EGFR: variants seen among roughly 807,000 people sequenced by gnomAD.
EGFR encodes the protein avian erythroblastic leukemia viral (v-erb-b) oncogene homolog.
Under a neutral mutation model 143.0 loss-of-function variants are expected in EGFR, and 58 were observed. That is an observed-to-expected ratio of 0.41 (90% CI 0.33 to 0.50). EGFR has a LOEUF of 0.50. Ranked by LOEUF, EGFR falls within the 20% of genes least tolerant of loss-of-function variation. The pLI is 0.39. For synonymous variants in EGFR, 613 were observed against 594.4 expected (o/e 1.03, Z -0.45); for missense variants, 1,307 against 1,579.0 (o/e 0.83, Z 2.92).
At chr7:55,078,622 A>G (rs762413807) in intron 1 of EGFR, among the ~76,000 whole-genome samples, 18 of 152,230 alleles carry the variant, frequency 1.2e-4, no homozygotes, top group Non-Finnish European at 2.4e-4. Flanking sequence ...GGGCACCACC[A>G]CTGATCATCT....
intron 1 of EGFR, among the ~76,000 whole-genome samples, chr7:55,064,019 T>A (rs1325389257): frequency 1.4e-5 from 2 of 138,080 alleles, no homozygotes; most frequent in African/African-American, 4.9e-5. Flanking sequence ...AGCCTGAACA[T>A]AATAGATTTT....
At chr7:55,070,208 A>G (rs533453781) in intron 1 of EGFR, among the ~76,000 whole-genome samples, 2 of 152,340 alleles carry the variant, frequency 1.3e-5, no homozygotes, top group South Asian at 2.1e-4. Flanking sequence ...GGAATATGCT[A>G]TCTATCTTTT....
chr7:55,133,940 G>A (rs534624239), intron 1 of EGFR, among the ~76,000 whole-genome samples: 1 of 152,344 alleles, frequency 6.6e-6, no homozygotes, highest in Admixed American at 6.5e-5. Flanking sequence ...CTGAACATGA[G>A]TAAGCAAAAG....
At chr7:55,126,856 A>T (rs1793554138) in intron 1 of EGFR, among the ~76,000 whole-genome samples, 1 of 152,228 alleles carries the variant, frequency 6.6e-6, no homozygotes, top group South Asian at 2.1e-4. Context: ...TTCATTATAC[A>T]AAAAGTAGTG....
rs1046274762 is a variant in EGFR at position 55,029,865 on chromosome 7, A to C, written c.88+10500A>C. Among the ~76,000 whole-genome samples, 4 of 152,228 alleles carry C rather than the reference A, an allele frequency of 2.6e-5. 1 individual carries two copies. The highest frequency in any genetic ancestry group is 7.2e-5 in the African/African-American group (3 of 41,456). On this transcript the variant is annotated intron_variant, in intron 1 of 27. Transcript: ENST00000275493. Reference sequence around the variant, plus strand: ...ATCTGTAAAATTAAAAACAAATCTAAATGTATGCAAGATATGTATTTAAAC... The same window carrying C: ...ATCTGTAAAATTAAAAACAAATCTACATGTATGCAAGATATGTATTTAAAC...
chr7:55,186,159 G>A (rs765575066), intron 20 of EGFR, among the ~76,000 whole-genome samples: 4 of 152,210 alleles, frequency 2.6e-5, no homozygotes, highest in Admixed American at 2.0e-4. Context: ...TGCTGTGTGC[G>A]TGTCATAGCA....
chr7:55,122,518 C>T (rs376017061), intron 1 of EGFR, among the ~76,000 whole-genome samples: 52 of 152,338 alleles, frequency 3.4e-4, no homozygotes, highest in African/African-American at 7.9e-4. Context: ...GCATTTCTGC[C>T]CTTCTGAGCT....
At chr7:55,156,052 A>G (rs1257312094) in intron 8 of EGFR, 106 bp downstream of exon 8, 1 of 817,516 alleles carries the variant, frequency 1.2e-6, no homozygotes, top group Non-Finnish European at 2.1e-6. Flanking sequence ...TTAAAAAACA[A>G]CTATACATAT....
intron 1 of EGFR, among the ~76,000 whole-genome samples, chr7:55,083,622 A>G (rs1282124157): frequency 6.6e-6 from 1 of 152,248 alleles, no homozygotes; most frequent in Admixed American, 6.5e-5. Context: ...TCATGGTTTT[A>G]AATTATTTTC....
At chr7:55,073,239 T>C (rs1164288415) in intron 1 of EGFR, among the ~76,000 whole-genome samples, 2 of 152,244 alleles carry the variant, frequency 1.3e-5, no homozygotes, top group Middle Eastern at 3.2e-3. Flanking sequence ...GACAGCATAG[T>C]GCAATTGTGA....
rs774261340 is a variant in EGFR at position 55,173,960 on chromosome 7, C to A, written c.2101C>A (p.Gln701Lys). 8.1e-6 allele frequency: 13 copies of A among 1,614,238 alleles called. No individual in the cohort carries two copies. The highest frequency in any genetic ancestry group is 1.1e-5 in the Non-Finnish European group (13 of 1,180,044). Residue 701 changes from glutamine to lysine, a missense_variant, in exon 18 of 28, where the codon CAA becomes AAA. By Grantham distance (53) the Gln-to-Lys change is moderately conservative. Coordinates refer to ENST00000275493, the MANE Select transcript of EGFR (RefSeq NM_005228.5). ...PLTPSGEAPN[Q>K]ALLRILKETE... Reference sequence around the variant, plus strand: ...TACACCCAGTGGAGAAGCTCCCAACCAAGCTCTCTTGAGGATCTTGAAGGA... The same window carrying A: ...TACACCCAGTGGAGAAGCTCCCAACAAAGCTCTCTTGAGGATCTTGAAGGA...
At position 55,206,969 on chromosome 7, in the gene EGFR, G is replaced by GA; in HGVS notation, c.*1354dup. On this transcript the variant is annotated 3_prime_UTR_variant, in exon 28 of 28. Transcript: ENST00000275493. ...TTTCACAACATTTGCAGATGTTTTA[G>GA]AAGGAAAAAAGTTCCTTCCTAAAAT... is the stretch of plus-strand genomic sequence containing the variant. 1 of 233,126 alleles carries GA rather than the reference G, an allele frequency of 4.3e-6. No homozygotes were observed. Among genetic ancestry groups the GA allele is most frequent in the Non-Finnish European group, 8.5e-6 (1 of 117,986 alleles). The allele number at this position is 233,126 out of a possible 1,614,324, so 14.4% of individuals were successfully genotyped here. A position where few individuals can be genotyped will look rare whatever the true frequency, so the allele number is the denominator to read the frequency against.
intron 1 of EGFR, among the ~76,000 whole-genome samples, chr7:55,110,905 T>C (rs888342631): frequency 3.3e-5 from 5 of 152,178 alleles, no homozygotes; most frequent in Admixed American, 1.3e-4. Context: ...ATTGACACTA[T>C]GCAGAAATGA....
At chr7:55,137,392 T>C (rs1219112780) in intron 1 of EGFR, among the ~76,000 whole-genome samples, 2 of 152,210 alleles carry the variant, frequency 1.3e-5, no homozygotes, top group Admixed American at 6.5e-5. Flanking sequence ...CTTGTTCTAA[T>C]ACTGTGTCTT....
intron 1 of EGFR, among the ~76,000 whole-genome samples, chr7:55,081,774 G>A (rs1790480514): frequency 6.6e-6 from 1 of 151,526 alleles, no homozygotes; most frequent in Non-Finnish European, 1.5e-5. Context: ...TGCTGTCAGT[G>A]TGTTCTAATT....
chr7:55,165,066 A>G (rs796528809), intron 14 of EGFR, among the ~76,000 whole-genome samples: 4 of 152,372 alleles, frequency 2.6e-5, no homozygotes, highest in African/African-American at 9.6e-5. Flanking sequence ...TGTATATCAT[A>G]TGCATTCAAA....
chr7:55,174,687 T>A (rs1413913373), intron 18 of EGFR, 35 bp from the exon 19 acceptor site: 1 of 1,552,584 alleles, frequency 6.4e-7, no homozygotes, highest in Admixed American at 1.7e-5. Context: ...ATCTCACAAT[T>A]GCCAGTTAAC....
In EGFR at chr7:55,118,507, C is replaced by T. The variant is rs371305656; in HGVS notation, c.89-23779C>T. On this transcript the variant is annotated intron_variant, in intron 1 of 27. Transcript: ENST00000275493. ...CTGAACACATTTCTCCCCCACTCCC[C>T]GGCTGTGTGGAAGGTTGCCACCTTT... Among the ~76,000 whole-genome samples the T allele has an allele frequency of 5.9e-5, 9 of 152,242 alleles. No individual in the cohort carries two copies. The South Asian group carries it at 1.0e-3, about 18-fold the overall frequency.
chr7:55,132,646 G>A (rs1793916611), intron 1 of EGFR, among the ~76,000 whole-genome samples: 1 of 151,758 alleles, frequency 6.6e-6, no homozygotes, highest in Non-Finnish European at 1.5e-5. Flanking sequence ...TTTCGTCCCA[G>A]TTCTCGAGCT....
Sources: gnomAD v4.1 joint callset for allele counts (sites outside exome capture counted in the v4.1 genomes callset) on GRCh38, gnomAD v4.1.1 for gene constraint, MANE v1.5 for transcripts, NCBI Gene and HGNC (gene_info 2026-07-23, HGNC 2026-07-21) for gene names.